Variants in SFXN1 observed in about 807,000 individuals in gnomAD.
SFXN1 encodes the protein sideroflexin 1, also known as sideroflexin-1.
SFXN1 carries 32 observed loss-of-function variants against 39.5 expected under a neutral mutation model. The ratio of observed to expected loss-of-function variants is 0.81; its 90% CI spans 0.61 to 1.09. The LOEUF (loss-of-function observed/expected upper bound fraction) is 1.09, where lower values mean the gene tolerates loss of function less well. SFXN1 is among the 50% of genes least tolerant of loss of function. SFXN1 has a pLI of 0.00. For synonymous variants in SFXN1, 136 were observed against 146.5 expected (o/e 0.93, Z 0.52); for missense variants, 402 against 407.1 (o/e 0.99, Z 0.11).
At chr5:175,522,651 T>G (rs1054508259) in intron 10 of SFXN1, 10 of 466,250 alleles carry the variant, frequency 2.1e-5, no homozygotes, top group African/African-American at 1.8e-4. Flanking sequence ...TGAAAATGCT[T>G]TATTCTTTTG....
chr5:175,508,178 T>C (rs1760381080), intron 2 of SFXN1, among the ~76,000 whole-genome samples: 1 of 151,964 alleles, frequency 6.6e-6, no homozygotes, highest in South Asian at 2.1e-4. Flanking sequence ...TAATTTCTTT[T>C]CTGGCTTTTC....
chr5:175,500,758 C>A (rs1760045789), intron 2 of SFXN1, among the ~76,000 whole-genome samples: 1 of 152,158 alleles, frequency 6.6e-6, no homozygotes, highest in African/African-American at 2.4e-5. Context: ...GACAGTTTAG[C>A]ATTGTTGTAA....
intron 2 of SFXN1, among the ~76,000 whole-genome samples, chr5:175,508,424 A>G: frequency 6.6e-6 from 1 of 151,686 alleles, no homozygotes; most frequent in East Asian, 1.9e-4. Context: ...TTATAGAGAC[A>G]GAGTCTCACC....
chr5:175,511,567 G>T, intron 5 of SFXN1, 41 bp downstream of exon 5: 1 of 1,492,952 alleles, frequency 6.7e-7, no homozygotes, highest in Non-Finnish European at 9.3e-7. Flanking sequence ...TGTTTAATTT[G>T]TTATCACCTG....
intron 1 of SFXN1, 66 bp downstream of exon 1, chr5:175,478,705 CGCAGGCTTGG>C (rs1397598508): frequency 6.6e-6 from 1 of 152,160 alleles, no homozygotes; most frequent in African/African-American, 2.4e-5. Context: ...GGCGGAGGCG[CGCAGGCTTGG>C]GCAGGCTCGG....
chr5:175,480,531 A>G (rs1272872895), intron 1 of SFXN1, among the ~76,000 whole-genome samples: 1 of 152,238 alleles, frequency 6.6e-6, no homozygotes, highest in Admixed American at 6.5e-5. Context: ...ATCTGTGGTT[A>G]CAGTTGTCAG....
At chr5:175,524,119 AAAAAAAATATATATATATAT>A (rs1439997704) in intron 10 of SFXN1, 25 of 38,620 alleles carry the variant, frequency 6.5e-4, no homozygotes, top group African/African-American at 2.3e-3. Context: ...AAAAAAAAAA[AAAAAAAATATATATATATAT>A]ATATATATAT....
intron 6 of SFXN1, among the ~76,000 whole-genome samples, chr5:175,512,479 A>G (rs1055858080): frequency 1.3e-5 from 2 of 152,212 alleles, no homozygotes; most frequent in African/African-American, 4.8e-5. Flanking sequence ...AAAAAGTTTA[A>G]AAGATATATC....
intron 3 of SFXN1, among the ~76,000 whole-genome samples, chr5:175,509,651 A>C (rs965037214): frequency 6.6e-6 from 1 of 152,140 alleles, no homozygotes; most frequent in South Asian, 2.1e-4. Flanking sequence ...CTGCAGGCAA[A>C]TTCTCCTTTG....
At chr5:175,486,671 G>A (rs1023438742) in intron 1 of SFXN1, among the ~76,000 whole-genome samples, 2 of 152,070 alleles carry the variant, frequency 1.3e-5, no homozygotes, top group African/African-American at 2.4e-5. Flanking sequence ...CTAGCTGCTC[G>A]GGAGGCTGAG....
At chr5:175,509,229 G>C (rs1290547261) in intron 3 of SFXN1, 27 bp downstream of exon 3, 26 of 1,566,788 alleles carry the variant, frequency 1.7e-5, no homozygotes, top group Non-Finnish European at 2.2e-5. Flanking sequence ...TAGCAACAGT[G>C]TGTTTACCAT....
chr5:175,510,002 C>A, intron 3 of SFXN1, 107 bp from the exon 4 acceptor site: 1 of 847,402 alleles, frequency 1.2e-6, no homozygotes, highest in Non-Finnish European at 1.9e-6. Context: ...ATGGCTTTCT[C>A]CCTTCCCCAG....
Position 175,527,867 on chromosome 5 carries a change from G to C in SFXN1, c.*1133G>C, listed in dbSNP as rs983212802. ...TAACGTCATAGACAGTTGGCCCTCT[G>C]TATCCGTGAGCTCTATATCTGTGAA... On this transcript the variant is annotated 3_prime_UTR_variant, in exon 11 of 11. Coordinates refer to ENST00000321442, the MANE Select transcript of SFXN1 (RefSeq NM_022754.7). 1.3e-5 allele frequency: 2 copies of C among 150,684 alleles called. No homozygotes were observed. The highest frequency in any genetic ancestry group is 2.9e-5 in the Non-Finnish European group (2 of 67,830). The allele number at this position is 150,684 out of a possible 1,614,324, so 9.3% of individuals were successfully genotyped here.
At chr5:175,505,549 T>TAATAAC (rs1760259545) in intron 2 of SFXN1, among the ~76,000 whole-genome samples, 1 of 87,078 alleles carries the variant, frequency 1.1e-5, no homozygotes, top group Admixed American at 1.0e-4. Flanking sequence ...ATAATAATAA[T>TAATAAC]AATAATAATA....
chr5:175,501,227 C>T (rs542971855), intron 2 of SFXN1, among the ~76,000 whole-genome samples: 13 of 151,974 alleles, frequency 8.6e-5, no homozygotes, highest in African/African-American at 2.7e-4. Flanking sequence ...TGCCACCACG[C>T]CCAGCTAATT....
At chr5:175,516,032 G>A (rs951318662) in intron 7 of SFXN1, among the ~76,000 whole-genome samples, 3 of 152,068 alleles carry the variant, frequency 2.0e-5, no homozygotes, top group Admixed American at 2.0e-4. Context: ...CTGTGAGAAT[G>A]TAATGCGGTC....
rs1581344117 is a variant in SFXN1 at position 175,529,689 on chromosome 5, T to A, written c.*2955T>A. 1 of 152,368 alleles carries A rather than the reference T, an allele frequency of 6.6e-6. No homozygotes were observed. Among genetic ancestry groups the A allele is most frequent in the East Asian group, 1.9e-4 (1 of 5,184 alleles). The allele number at this position is 152,368 out of a possible 1,614,324, so 9.4% of individuals were successfully genotyped here. A position where few individuals can be genotyped will look rare whatever the true frequency, so the allele number is the denominator to read the frequency against. On this transcript the variant is annotated 3_prime_UTR_variant, in exon 11 of 11. Transcript: ENST00000321442. ...CGTCTTGCCAGTGTTGGAGGCCATG[T>A]ATTATTTCAGTTCAACTGGATGAAA...
intron 3 of SFXN1, among the ~76,000 whole-genome samples, chr5:175,509,572 A>G (rs1392946938): frequency 6.6e-6 from 1 of 152,030 alleles, no homozygotes; most frequent in Non-Finnish European, 1.5e-5. Flanking sequence ...GTTGTTCAAA[A>G]GGAGGTTGAA....
At position 175,524,119 on chromosome 5, in the gene SFXN1, AAAAAAAATATATATATAT is replaced by A. The variant is rs1314613471; in HGVS notation, c.872+1699_872+1716del. ...ATTCTGTCTCAAAAAAAAAAAAAAA[AAAAAAAATATATATATAT>A]ATATATATATATATATATATATATA... On this transcript the variant is annotated intron_variant, in intron 10 of 10. Coordinates refer to ENST00000321442, the MANE Select transcript of SFXN1 (RefSeq NM_022754.7). 146 of 38,418 alleles carry A rather than the reference AAAAAAAATATATATATAT, an allele frequency of 3.8e-3. 1 individual carries two copies. The highest frequency in any genetic ancestry group is 5.8e-3 in the Admixed American group (16 of 2,770). The allele number at this position is 38,418 out of a possible 1,614,324, so 2.4% of individuals were successfully genotyped here.
Sources: allele counts gnomAD v4.1 joint callset (sites outside exome capture counted in the v4.1 genomes callset), GRCh38; gene constraint gnomAD v4.1.1; transcripts MANE v1.5; gene names NCBI Gene and HGNC (gene_info 2026-07-23, HGNC 2026-07-21).